Variants in NLRC5 observed in about 807,000 individuals in gnomAD.
NLRC5 encodes protein NLRC5.
Under a neutral mutation model 206.9 loss-of-function variants are expected in NLRC5, and 114 were observed. The ratio of observed to expected loss-of-function variants is 0.55; its 90% CI spans 0.47 to 0.64. NLRC5 has a LOEUF of 0.64. Ranked by LOEUF, NLRC5 falls within the 30% of genes least tolerant of loss-of-function variation. The probability of loss-of-function intolerance (pLI) is 0.00; values close to 1 mark genes in which losing one functional copy is unlikely to be tolerated. For synonymous variants in NLRC5, 952 were observed against 962.8 expected (o/e 0.99, Z 0.21); for missense variants, 2,008 against 2,305.5 (o/e 0.87, Z 2.64).
At chr16:57,013,722 G>A in intron 1 of NLRC5, 1 of 740,094 alleles carries the variant, frequency 1.4e-6, no homozygotes, top group East Asian at 2.5e-5. Flanking sequence ...GGTTGTGCCT[G>A]ATAAAAGTCA....
chr16:57,011,178 C>T (rs1432415781), intron 1 of NLRC5, among the ~76,000 whole-genome samples: 3 of 149,278 alleles, frequency 2.0e-5, no homozygotes, highest in East Asian at 2.0e-4. Flanking sequence ...TTTGGGAGGC[C>T]GAGGCAGGTG....
chr16:57,061,740 A>G (rs369950523), intron 32 of NLRC5, 39 bp downstream of exon 32: 60 of 1,585,262 alleles, frequency 3.8e-5, no homozygotes, highest in Middle Eastern at 1.7e-4. Context: ...GGGCCATGGC[A>G]TGAATGGGAG....
chr16:57,070,466 TG>T, intron 37 of NLRC5, 68 bp from the exon 38 acceptor site: 2 of 1,396,992 alleles, frequency 1.4e-6, no homozygotes, highest in Non-Finnish European at 2.0e-6. Context: ...AGAGGGGAGC[TG>T]ACAGGACAGC....
intron 1 of NLRC5, among the ~76,000 whole-genome samples, chr16:57,011,720 CAAAAAA>C (rs34446834): frequency 7.4e-6 from 1 of 135,836 alleles, no homozygotes. Context: ...GACCCTGTGT[CAAAAAA>C]AAAAAAAAAG....
intron 10 of NLRC5, among the ~76,000 whole-genome samples, chr16:57,030,614 A>AGATGGATGGATG (rs66917392): frequency 1.4e-5 from 2 of 141,244 alleles, no homozygotes; most frequent in East Asian, 2.2e-4. Flanking sequence ...GTGTGTGAAA[A>AGATGGATGGATG]GATGGATGGA....
At position 57,065,242 on chromosome 16, in the gene NLRC5, G is replaced by T. The variant is rs565700161; in HGVS notation, c.4185G>T (p.Arg1395Ser). The T allele has an allele frequency of 2.6e-5, 41 of 1,581,496 alleles. No individual in the cohort carries two copies. The South Asian group carries it at 4.6e-4, about 18-fold the overall frequency. ...RVQEPWADRA[R>S]VLSLLEVCAQ... ...AGGAGCCGTGGGCGGACAGAGCCAGGGTTCTCTCCCTGTTAGAAGTCTGCG... is the reference window on the plus strand; with the variant it reads ...AGGAGCCGTGGGCGGACAGAGCCAGTGTTCTCTCCCTGTTAGAAGTCTGCG... Residue 1395 changes from arginine to serine, a missense_variant, in exon 33 of 49, where the codon AGG (arginine) becomes AGT (serine). Transcript: ENST00000688547.
At chr16:57,031,870 G>A (rs1266105949) in intron 11 of NLRC5, among the ~76,000 whole-genome samples, 1 of 151,620 alleles carries the variant, frequency 6.6e-6, no homozygotes, top group Non-Finnish European at 1.5e-5. Context: ...AAGGAGTTTA[G>A]AGCACTGTTG....
chr16:57,028,476 T>C (rs1412427230), intron 8 of NLRC5, 91 bp downstream of exon 8: 2 of 1,004,882 alleles, frequency 2.0e-6, no homozygotes, highest in Non-Finnish European at 3.1e-6. Context: ...TTCCTCCAAG[T>C]CTGACCAGTA....
chr16:57,046,715 G>A (rs1378553631), intron 22 of NLRC5, 74 bp downstream of exon 22: 14 of 1,252,374 alleles, frequency 1.1e-5, no homozygotes, highest in Non-Finnish European at 1.6e-5. Context: ...GAGCTGGCAG[G>A]GGGCTAGGGC....
chr16:56,997,248 T>C (rs1178806224), intron 1 of NLRC5, among the ~76,000 whole-genome samples: 1 of 152,150 alleles, frequency 6.6e-6, no homozygotes, highest in East Asian at 1.9e-4. Flanking sequence ...GCAGGAAACG[T>C]GCCTGGAAAT....
At chr16:57,046,853 G>T (rs564716052) in intron 22 of NLRC5, among the ~76,000 whole-genome samples, 1 of 152,214 alleles carries the variant, frequency 6.6e-6, no homozygotes, top group East Asian at 1.9e-4. Flanking sequence ...CCCATGCCCC[G>T]CATTCTCCTT....
At chr16:57,007,738 T>A (rs28542824) in intron 1 of NLRC5, among the ~76,000 whole-genome samples, 4 of 151,708 alleles carry the variant, frequency 2.6e-5, no homozygotes, top group East Asian at 1.9e-4. Context: ...CAAAAAAAAA[T>A]TTTTAAATGT....
rs1383351447 is a variant in NLRC5 at position 57,081,200 on chromosome 16, G to A, written c.5405+19G>A. 16 of 1,536,848 alleles carry A rather than the reference G, an allele frequency of 1.0e-5. No homozygotes were observed. The African/African-American group carries it at 2.2e-4, about 21-fold the overall frequency. ...GAGTGGAGTATGAGGGGCCGGGGGA[G>A]GAATGGGACGGGCTAAAGGGGGACC... is the stretch of plus-strand genomic sequence containing the variant. On this transcript the variant is annotated intron_variant, in intron 47 of 48. Transcript: ENST00000688547.
chr16:57,031,539 G>T (rs1463066922), intron 11 of NLRC5, 76 bp downstream of exon 11: 2 of 1,371,246 alleles, frequency 1.5e-6, no homozygotes, highest in Non-Finnish European at 1.0e-6. Context: ...GGGGAAAGGT[G>T]ACCAAGAGAC....
intron 1 of NLRC5, among the ~76,000 whole-genome samples, chr16:56,993,865 G>C (rs1218023857): frequency 1.3e-5 from 2 of 150,760 alleles, no homozygotes; most frequent in African/African-American, 4.9e-5. Flanking sequence ...TGGTGGCATA[G>C]TTGCTTATAG....
chr16:57,074,397 G>A (rs1201596254), intron 38 of NLRC5: 3 of 555,802 alleles, frequency 5.4e-6, no homozygotes, highest in East Asian at 3.1e-5. Context: ...TAGAACTGCT[G>A]CCTGCCTGAC....
intron 1 of NLRC5, among the ~76,000 whole-genome samples, chr16:57,007,806 G>T (rs1321736526): frequency 6.6e-6 from 1 of 152,088 alleles, no homozygotes; most frequent in Admixed American, 6.5e-5. Context: ...TTTCTATGAG[G>T]TCATTGGCTT....
At chr16:57,040,227 G>C (rs1401065816) in intron 16 of NLRC5, among the ~76,000 whole-genome samples, 1 of 152,138 alleles carries the variant, frequency 6.6e-6, no homozygotes, top group African/African-American at 2.4e-5. Context: ...GACCCATTAG[G>C]GTCCTGGATT....
chr16:57,078,541 G>A (rs970328319), intron 43 of NLRC5, among the ~76,000 whole-genome samples: 3 of 146,952 alleles, frequency 2.0e-5, no homozygotes, highest in Non-Finnish European at 4.5e-5. Context: ...GTGCAACCTC[G>A]GCTCACTGCA....
Sources: gnomAD v4.1 joint callset for allele counts (sites outside exome capture counted in the v4.1 genomes callset) on GRCh38, gnomAD v4.1.1 for gene constraint, MANE v1.5 for transcripts, NCBI Gene and HGNC (gene_info 2026-07-23, HGNC 2026-07-21) for gene names.